The following HMGCLL1 variants were observed in gnomAD, a reference collection of about 807,000 sequenced individuals.
HMGCLL1 encodes the protein 3-hydroxy-3-methylglutaryl-CoA lyase like 1.
In HMGCLL1, 36 loss-of-function variants were observed where a neutral mutation model predicts 39.1. The ratio of observed to expected loss-of-function variants is 0.92; its 90% confidence interval spans 0.71 to 1.22. HMGCLL1 has a LOEUF of 1.22. Among genes scored for constraint, HMGCLL1 ranks in the 50% most tolerant of loss-of-function variants. The probability of loss-of-function intolerance (pLI) is 0.00; values close to 1 mark genes in which losing one functional copy is unlikely to be tolerated. For missense variants in HMGCLL1, 451 were observed against 416.5 expected (o/e 1.08, Z -0.72); for synonymous variants, 149 against 144.0 (o/e 1.03, Z -0.25).
At chr6:55,439,685 T>A in intron 7 of HMGCLL1, 126 bp from the exon 8 acceptor site, 1 of 984,938 alleles carries the variant, frequency 1.0e-6, no homozygotes. Context: ...TATATTCACT[T>A]ACCCAGTGGC....
intron 5 of HMGCLL1, among the ~76,000 whole-genome samples, chr6:55,503,947 C>T (rs1767025345): frequency 6.6e-6 from 1 of 151,678 alleles, no homozygotes; most frequent in Admixed American, 6.6e-5. Context: ...TTGTTTCTAA[C>T]CCCATGTCTC....
At chr6:55,528,466 T>C (rs1768446653) in intron 3 of HMGCLL1, among the ~76,000 whole-genome samples, 2 of 152,034 alleles carry the variant, frequency 1.3e-5, no homozygotes, top group South Asian at 2.1e-4. Flanking sequence ...TGAATAGCAC[T>C]GTAGCCTGGG....
chr6:55,662,090 G>A, the HMGCLL1 span, among the ~76,000 whole-genome samples: 1 of 151,858 alleles, frequency 6.6e-6, no homozygotes, highest in Non-Finnish European at 1.5e-5. Flanking sequence ...CTTTGGGGTT[G>A]AGATCACGAA....
the HMGCLL1 span, among the ~76,000 whole-genome samples, chr6:55,585,524 G>T: frequency 1.3e-5 from 2 of 152,050 alleles, no homozygotes; most frequent in Admixed American, 1.3e-4. Flanking sequence ...TAGGTAAACT[G>T]TATTATCTCT....
chr6:55,544,419 G>A (rs1472501237), intron 1 of HMGCLL1, among the ~76,000 whole-genome samples: 1 of 152,030 alleles, frequency 6.6e-6, no homozygotes, highest in African/African-American at 2.4e-5. Flanking sequence ...GTTAAGTTTG[G>A]GTAACCCATA....
chr6:55,650,866 C>T, the HMGCLL1 span, among the ~76,000 whole-genome samples: 3 of 151,992 alleles, frequency 2.0e-5, no homozygotes, highest in Non-Finnish European at 4.4e-5. Flanking sequence ...CGAATTTTTA[C>T]TTAAAGCCCA....
the HMGCLL1 span, among the ~76,000 whole-genome samples, chr6:55,678,544 T>C: frequency 5.3e-5 from 8 of 152,132 alleles, no homozygotes; most frequent in African/African-American, 1.9e-4. Context: ...AGCTCACTGA[T>C]ATTGAGCAAG....
chr6:55,585,523 T>C, the HMGCLL1 span, among the ~76,000 whole-genome samples: 1 of 152,140 alleles, frequency 6.6e-6, no homozygotes, highest in Admixed American at 6.6e-5. Flanking sequence ...ATAGGTAAAC[T>C]GTATTATCTC....
intron 7 of HMGCLL1, among the ~76,000 whole-genome samples, chr6:55,448,896 T>A (rs1763968508): frequency 6.6e-6 from 1 of 152,144 alleles, no homozygotes; most frequent in Non-Finnish European, 1.5e-5. Flanking sequence ...ACAACAGATC[T>A]TCCTGGAAAC....
At chr6:55,659,590 ACTTTTC>A in the HMGCLL1 span, among the ~76,000 whole-genome samples, 1 of 151,898 alleles carries the variant, frequency 6.6e-6, no homozygotes, top group African/African-American at 2.4e-5. Context: ...TATCTATCAT[ACTTTTC>A]CTTTTACTGT....
the HMGCLL1 span, among the ~76,000 whole-genome samples, chr6:55,604,381 G>A: frequency 6.6e-6 from 1 of 152,134 alleles, no homozygotes. Flanking sequence ...CACATAATTA[G>A]TACATTTTAG....
At chr6:55,595,771 TAATAAA>T in the HMGCLL1 span, among the ~76,000 whole-genome samples, 1 of 152,174 alleles carries the variant, frequency 6.6e-6, no homozygotes, top group African/African-American at 2.4e-5. Flanking sequence ...AATACTCTGT[TAATAAA>T]AATTGAAGAT....
the HMGCLL1 span, among the ~76,000 whole-genome samples, chr6:55,657,486 G>A: frequency 2.1e-3 from 320 of 151,924 alleles, no homozygotes; most frequent in Middle Eastern, 0.017. Flanking sequence ...CAGGTTTGTC[G>A]AAGATCACAG....
At chr6:55,648,896 G>A in the HMGCLL1 span, among the ~76,000 whole-genome samples, 49 of 140,450 alleles carry the variant, frequency 3.5e-4, no homozygotes, top group East Asian at 8.1e-3. Flanking sequence ...TACCAAAGCC[G>A]GGCAGAGACA....
chr6:55,621,117 G>C, the HMGCLL1 span, among the ~76,000 whole-genome samples: 1 of 152,044 alleles, frequency 6.6e-6, no homozygotes, highest in Non-Finnish European at 1.5e-5. Flanking sequence ...GTCTTCTGTG[G>C]TTCCATATAA....
At chr6:55,539,861 A>AGAAAGAAC (rs1769248244) in intron 3 of HMGCLL1, among the ~76,000 whole-genome samples, 1 of 29,974 alleles carries the variant, frequency 3.3e-5, no homozygotes, top group Non-Finnish European at 6.1e-5. Flanking sequence ...AGAAAGAGGA[A>AGAAAGAAC]GAAAGAAAGA....
upstream of HMGCLL1, among the ~76,000 whole-genome samples, chr6:55,582,480 G>T (rs1772001694): frequency 6.6e-6 from 1 of 151,982 alleles, no homozygotes; most frequent in Non-Finnish European, 1.5e-5. Context: ...TGGGGGTGGG[G>T]GTAAGTCATA....
chr6:55,573,301 C>G (rs1771610189), intron 1 of HMGCLL1, among the ~76,000 whole-genome samples: 1 of 152,234 alleles, frequency 6.6e-6, no homozygotes. Context: ...CAAATTACAT[C>G]TATAATTATT....
chr6:55,553,442 G>GA (rs1459634418), intron 1 of HMGCLL1, among the ~76,000 whole-genome samples: 284 of 149,512 alleles, frequency 1.9e-3, no homozygotes, highest in African/African-American at 6.1e-3. Context: ...CGTCTCCAAA[G>GA]AAAAAAAAAT....
Sources: allele counts gnomAD v4.1 joint callset (sites outside exome capture counted in the v4.1 genomes callset), GRCh38; gene constraint gnomAD v4.1.1; transcripts MANE v1.5; gene names NCBI Gene and HGNC (gene_info 2026-07-23, HGNC 2026-07-21).